UEVLD: variants seen among roughly 807,000 people sequenced by gnomAD.
UEVLD encodes UEV and lactate/malate dehyrogenase domains.
UEVLD carries 47 observed loss-of-function variants against 58.6 expected under a neutral mutation model. That is an observed-to-expected ratio of 0.80 (90% CI 0.63 to 1.02). The LOEUF (loss-of-function observed/expected upper bound fraction) is 1.02, where lower values mean the gene tolerates loss of function less well. UEVLD is among the 50% of genes least tolerant of loss of function. The pLI, the probability that UEVLD is intolerant of heterozygous loss-of-function variation, is 0.00. For synonymous variants in UEVLD, 197 were observed against 195.3 expected, an observed-to-expected ratio of 1.01 and a Z score of -0.07; for missense variants, 510 against 550.6, an observed-to-expected ratio of 0.93 and a Z score of 0.74.
intron 9 of UEVLD, chr11:18,536,719 T>C: frequency 2.4e-6 from 1 of 419,332 alleles, no homozygotes; most frequent in East Asian, 4.7e-5. Context: ...CTGTTTTCTC[T>C]CATCAGTAAC....
At position 18,534,428 on chromosome 11, in the gene UEVLD, C is replaced by A. The variant is rs775586236; in HGVS notation, c.1150G>T (p.Gly384Cys). Residue 384 changes from glycine (G) to cysteine (C), a missense_variant, in exon 11 of 12, where the codon GGT (glycine) becomes TGT (cysteine). Coordinates refer to ENST00000396197, the MANE Select transcript of UEVLD (RefSeq NM_001040697.4). The stretch of plus-strand genomic sequence containing the variant: ...AGTCCAACAGACCAGGATCTTTGAC[C>A]TTTTACTCTTAGCAGTTCCATGGCT... ...NRAMELLRVK[G>C]QRSWSVGLSV... is the part of the protein sequence containing the mutation. 1.8e-5 allele frequency: 29 copies of A among 1,574,508 alleles called. No homozygotes were observed. The African/African-American group carries it at 3.9e-4, about 21-fold the overall frequency.
chr11:18,574,259 A>T (rs1167941391), intron 3 of UEVLD, among the ~76,000 whole-genome samples: 1 of 152,168 alleles, frequency 6.6e-6, no homozygotes, highest in Non-Finnish European at 1.5e-5. Flanking sequence ...CCCCTGCCTC[A>T]GCCTTCTGAG....
chr11:18,555,735 G>A (rs1481491529), intron 7 of UEVLD, among the ~76,000 whole-genome samples: 2 of 152,086 alleles, frequency 1.3e-5, no homozygotes, highest in African/African-American at 2.4e-5. Context: ...ACTGCTTGAG[G>A]CTAGGAGTTT....
intron 7 of UEVLD, among the ~76,000 whole-genome samples, chr11:18,552,994 A>G (rs1037077412): frequency 2.6e-5 from 4 of 151,982 alleles, no homozygotes; most frequent in African/African-American, 9.7e-5. Flanking sequence ...TCTCTACTAA[A>G]AATACAAAAA....
rs1362757827 is a variant in UEVLD, at chr11:18,554,414, A to C, written c.715+3814T>G. Among the ~76,000 whole-genome samples, 9 of 32,108 alleles carry C rather than the reference A, an allele frequency of 2.8e-4. No homozygotes were observed. The East Asian group carries it at 7.6e-3, about 27-fold the overall frequency. The allele number at this position is 32,108 out of a possible 152,430, so 21.1% of individuals were successfully genotyped here. ...GCCATTTTTTTTTTTTTTTTTTTTG[A>C]GACAGAGTTTTTACTCTTGTTGCCC... On this transcript the variant is annotated intron_variant, in intron 7 of 11. Transcript: ENST00000396197.
At chr11:18,553,330 A>AC (rs1851616196) in intron 7 of UEVLD, among the ~76,000 whole-genome samples, 1 of 151,896 alleles carries the variant, frequency 6.6e-6, no homozygotes, top group Non-Finnish European at 1.5e-5. Context: ...TGTCTCAAAA[A>AC]AAAAAAAAGA....
chr11:18,573,844 C>CA (rs1279759163), intron 3 of UEVLD, among the ~76,000 whole-genome samples: 18 of 152,146 alleles, frequency 1.2e-4, no homozygotes, highest in Non-Finnish European at 2.2e-4. Context: ...GAAGTCCCCG[C>CA]AAATGCAGCT....
At chr11:18,575,743 GATA>G (rs1852872777) in intron 2 of UEVLD, among the ~76,000 whole-genome samples, 1 of 152,250 alleles carries the variant, frequency 6.6e-6, no homozygotes, top group Admixed American at 6.5e-5. Flanking sequence ...ATAAAATAAA[GATA>G]ATAAGACTGC....
At chr11:18,586,362 G>C (rs554014839) in intron 1 of UEVLD, among the ~76,000 whole-genome samples, 2 of 151,960 alleles carry the variant, frequency 1.3e-5, no homozygotes, top group Non-Finnish European at 2.9e-5. Flanking sequence ...TTACAGGAGC[G>C]GGCCACCACG....
rs931307116 is a variant in UEVLD, at chr11:18,544,659, C to A, written c.1024G>T (p.Glu342Ter). The A allele has an allele frequency of 6.3e-7, 1 of 1,594,446 alleles. No individual in the cohort carries two copies. The highest frequency in any genetic ancestry group is 1.4e-5 in the African/African-American group (1 of 73,450). ...CCTTGCTCGCCAATAACCCATACTT[C>A]TTTGCCTGAAGTCTGTGCCTTCAAA... ...NVLKAQTSGK[E>*]VWVIGEQGED... Residue 342 changes from glutamate to a stop codon, truncating the protein, a stop_gained, in exon 9 of 12, where the codon GAA becomes TAA. Transcript: ENST00000396197. LOFTEE classifies it high-confidence loss of function.
At chr11:18,557,562 T>G (rs957392768) in intron 7 of UEVLD, among the ~76,000 whole-genome samples, 1 of 145,756 alleles carries the variant, frequency 6.9e-6, no homozygotes, top group African/African-American at 2.8e-5. Flanking sequence ...TTTCTTTTTT[T>G]TTTTTTCAGA....
chr11:18,541,162 A>G (rs552422251), intron 9 of UEVLD, among the ~76,000 whole-genome samples: 23 of 152,322 alleles, frequency 1.5e-4, no homozygotes, highest in African/African-American at 5.3e-4. Context: ...TAATACAACC[A>G]TATTTCAAAC....
rs149107947 is a variant in UEVLD at position 18,536,850 on chromosome 11, G to A, written c.1061-381C>T. 412 of 184,890 alleles carry A rather than the reference G, an allele frequency of 2.2e-3. 2 individuals carry two copies. The highest frequency in any genetic ancestry group is 9.4e-3 in the African/African-American group (395 of 41,810). The allele number at this position is 184,890 out of a possible 1,614,324, so 11.5% of individuals were successfully genotyped here. ...AGGGAATAATCTGGTCACCTATTTTGGGCTAGAATTTCCACAGCTGTTACA... is the reference window on the plus strand; with the variant it reads ...AGGGAATAATCTGGTCACCTATTTTAGGCTAGAATTTCCACAGCTGTTACA... On this transcript the variant is annotated intron_variant, in intron 9 of 11. Transcript: ENST00000396197.
chr11:18,558,009 C>T (rs1157212024), intron 7 of UEVLD, among the ~76,000 whole-genome samples: 2 of 152,170 alleles, frequency 1.3e-5, no homozygotes, highest in Non-Finnish European at 2.9e-5. Context: ...CTGAATAAAT[C>T]TGAATTATTT....
At chr11:18,555,774 C>A (rs925657257) in intron 7 of UEVLD, among the ~76,000 whole-genome samples, 2 of 151,906 alleles carry the variant, frequency 1.3e-5, no homozygotes, top group South Asian at 4.2e-4. Context: ...ATAGCAAGAC[C>A]CTGTCTCTGC....
At chr11:18,532,798 A>T (rs902478604) in intron 11 of UEVLD, among the ~76,000 whole-genome samples, 2 of 152,108 alleles carry the variant, frequency 1.3e-5, no homozygotes, top group Non-Finnish European at 2.9e-5. Context: ...AAGAAAAAAG[A>T]TAGTTAAGAA....
intron 1 of UEVLD, among the ~76,000 whole-genome samples, chr11:18,583,909 C>T (rs1213157801): frequency 1.3e-5 from 2 of 152,100 alleles, no homozygotes; most frequent in African/African-American, 4.8e-5. Context: ...GATCCACCCA[C>T]CTCAGCCTCC....
Position 18,532,493 on chromosome 11 carries a change from A to G in UEVLD, c.1249-6T>C. ...CTATTTATATCATAATATCCCTGAA[A>G]TGAGAAAAATAGGGATTTAATAGAA... On this transcript the variant is annotated splice_polypyrimidine_tract_variant and splice_region_variant and intron_variant, in intron 11 of 11. Transcript: ENST00000396197. The G allele has an allele frequency of 6.3e-7, 1 of 1,586,914 alleles. No homozygotes were observed. The highest frequency in any genetic ancestry group is 8.6e-7 in the Non-Finnish European group (1 of 1,166,748).
At chr11:18,561,826 C>T (rs575863738) in intron 6 of UEVLD, among the ~76,000 whole-genome samples, 8 of 141,998 alleles carry the variant, frequency 5.6e-5, no homozygotes, top group African/African-American at 8.1e-5. Context: ...GGCGAGACTT[C>T]GTCTCAAAAA....
Sources: allele counts gnomAD v4.1 joint callset (sites outside exome capture counted in the v4.1 genomes callset), GRCh38; gene constraint gnomAD v4.1.1; transcripts MANE v1.5; gene names NCBI Gene and HGNC (gene_info 2026-07-23, HGNC 2026-07-21).